The following NDUFAF7 variants were observed in gnomAD, a reference collection of about 807,000 sequenced individuals.
NDUFAF7 encodes NADH:ubiquinone oxidoreductase complex assembly factor 7, also known as protein arginine methyltransferase NDUFAF7, mitochondrial.
In NDUFAF7, 48 loss-of-function variants were observed where a neutral mutation model predicts 47.2. The observed-to-expected ratio is 1.02, with a 90% confidence interval of 0.81 to 1.29. The LOEUF (loss-of-function observed/expected upper bound fraction) is 1.29, where lower values mean the gene tolerates loss of function less well. Among genes scored for constraint, NDUFAF7 ranks in the 50% most tolerant of loss-of-function variants. NDUFAF7 has a pLI of 0.00. For synonymous variants in NDUFAF7, 217 were observed against 190.0 expected (o/e 1.14, Z -1.17); for missense variants, 635 against 537.6 (o/e 1.18, Z -1.79).
intron 4 of NDUFAF7, among the ~76,000 whole-genome samples, chr2:37,239,994 T>C (rs1051433057): frequency 3.9e-5 from 6 of 152,242 alleles, no homozygotes; most frequent in Admixed American, 3.9e-4. Flanking sequence ...CTACGTACTA[T>C]TTTATGAAAA....
At chr2:37,263,072 C>G in the NDUFAF7 span, among the ~76,000 whole-genome samples, 1 of 151,908 alleles carries the variant, frequency 6.6e-6, no homozygotes, top group East Asian at 1.9e-4. Flanking sequence ...TTATTCCTTT[C>G]TGCTTTCTTT....
chr2:37,246,139 G>A lies in NDUFAF7; in HGVS notation c.880G>A (p.Gly294Ser). 6.2e-7 allele frequency: 1 copy of A among 1,613,878 alleles called. No homozygotes were observed. ...TTCTCAACGCATTGCATTAACTGGA[G>A]GTGCTGCACTGGTTGCTGATTATGG... ...ELSQRIALTG[G>S]AALVADYGHD... Residue 294 changes from glycine to serine, a missense_variant, in exon 8 of 10, where the codon GGT (glycine) becomes AGT (serine). By Grantham distance (56) the Gly-to-Ser change is moderately conservative (BLOSUM62 0). Coordinates refer to ENST00000002125, the MANE Select transcript of NDUFAF7 (RefSeq NM_144736.5).
chr2:37,270,300 T>C, the NDUFAF7 span, among the ~76,000 whole-genome samples: 1 of 147,918 alleles, frequency 6.8e-6, no homozygotes. Flanking sequence ...AAATTAAAAA[T>C]GAAATTTTAC....
chr2:37,254,589 G>A (rs959960320), downstream of NDUFAF7, among the ~76,000 whole-genome samples: 3 of 152,276 alleles, frequency 2.0e-5, no homozygotes, highest in Non-Finnish European at 4.4e-5. Flanking sequence ...GTGTGATACT[G>A]GGTCAGTTAC....
At chr2:37,269,810 G>A in the NDUFAF7 span, 1 of 698,690 alleles carries the variant, frequency 1.4e-6, no homozygotes, top group Non-Finnish European at 2.3e-6. Flanking sequence ...TTTCCATAAA[G>A]TGCAAACTAT....
downstream of NDUFAF7, chr2:37,256,949 G>T: frequency 6.2e-7 from 1 of 1,613,248 alleles, no homozygotes; most frequent in Non-Finnish European, 8.5e-7. Flanking sequence ...GAAGGATGAT[G>T]TTAATTTTGT....
chr2:37,267,584 T>C, the NDUFAF7 span: 2 of 1,304,692 alleles, frequency 1.5e-6, no homozygotes, highest in Non-Finnish European at 2.2e-6. Context: ...CTGACAGCTT[T>C]ATTAGGGAGT....
At chr2:37,234,643 C>T (rs6743961) in intron 2 of NDUFAF7, among the ~76,000 whole-genome samples, 74,433 of 151,906 alleles carry the variant, frequency 0.49, 18,978 homozygotes, top group East Asian at 0.78. Flanking sequence ...AAAATGTTCT[C>T]AAAAATGGGA....
downstream of NDUFAF7, among the ~76,000 whole-genome samples, chr2:37,254,821 G>A (rs887122911): frequency 9.9e-5 from 15 of 152,186 alleles, no homozygotes; most frequent in Admixed American, 8.5e-4. Flanking sequence ...GTCACATTGA[G>A]GTGGTAGCTT....
downstream of NDUFAF7, chr2:37,254,352 C>T: frequency 7.6e-7 from 1 of 1,318,424 alleles, no homozygotes; most frequent in African/African-American, 1.4e-5. Flanking sequence ...AAACTTGTGA[C>T]TGCCTAGAAG....
downstream of NDUFAF7, chr2:37,254,261 T>C (rs1572596373): frequency 3.1e-6 from 5 of 1,613,424 alleles, no homozygotes; most frequent in Non-Finnish European, 4.2e-6. Context: ...TCATCTTCAC[T>C]TGAAGCAGAT....
the NDUFAF7 span, chr2:37,269,501 T>G: frequency 1.2e-6 from 1 of 861,994 alleles, no homozygotes; most frequent in South Asian, 1.4e-5. Flanking sequence ...AAGTCAGCCT[T>G]TAAAAAAAAG....
chr2:37,269,325 C>A, the NDUFAF7 span: 1 of 370,146 alleles, frequency 2.7e-6, no homozygotes, highest in Non-Finnish European at 5.1e-6. Flanking sequence ...ACATAAACTT[C>A]AAACCATCTC....
At chr2:37,237,906 G>T (rs554174156) in intron 4 of NDUFAF7, 39 bp downstream of exon 4, 2 of 1,400,404 alleles carry the variant, frequency 1.4e-6, no homozygotes, top group South Asian at 1.2e-5. Flanking sequence ...TCATATAAGT[G>T]AATTTTAGTA....
chr2:37,256,544 G>C (rs998763409), downstream of NDUFAF7: 45 of 1,253,316 alleles, frequency 3.6e-5, no homozygotes, highest in African/African-American at 4.6e-5. Context: ...GAAGATGAAT[G>C]GGAGATGTAC....
chr2:37,263,963 G>A, the NDUFAF7 span, among the ~76,000 whole-genome samples: 1 of 152,088 alleles, frequency 6.6e-6, no homozygotes, highest in African/African-American at 2.4e-5. Flanking sequence ...TTCCCTCTAG[G>A]TTTTTGATAA....
At chr2:37,255,890 C>G (rs1012532236), downstream of NDUFAF7, among the ~76,000 whole-genome samples, 4 of 152,140 alleles carry the variant, frequency 2.6e-5, no homozygotes, top group Admixed American at 6.5e-5. Flanking sequence ...GGTGCATACC[C>G]ATCATCCCAC....
chr2:37,266,540 G>T, the NDUFAF7 span, among the ~76,000 whole-genome samples: 9 of 151,386 alleles, frequency 5.9e-5, no homozygotes, highest in Middle Eastern at 6.8e-3. Flanking sequence ...AGGCTGGAGT[G>T]CAATGGCACA....
chr2:37,247,934 A>G (rs910479907), intron 9 of NDUFAF7, among the ~76,000 whole-genome samples: 4 of 152,186 alleles, frequency 2.6e-5, no homozygotes, highest in Non-Finnish European at 5.9e-5. Context: ...CCCTGAGGAT[A>G]TTTGTTAAAA....
Sources: allele counts gnomAD v4.1 joint callset (sites outside exome capture counted in the v4.1 genomes callset), GRCh38; gene constraint gnomAD v4.1.1; transcripts MANE v1.5; gene names NCBI Gene and HGNC (gene_info 2026-07-23, HGNC 2026-07-21).